PXDNL: variants seen among roughly 807,000 people sequenced by gnomAD.
The protein encoded by PXDNL is probable oxidoreductase PXDNL.
Under a neutral mutation model 150.8 loss-of-function variants are expected in PXDNL, and 145 were observed. That is an observed-to-expected ratio of 0.96 (90% CI 0.84 to 1.10). The LOEUF is 1.10. Among genes scored for constraint, PXDNL ranks in the 50% least tolerant of loss-of-function variants. The pLI is 0.00. For missense variants in PXDNL, 2,087 were observed against 1,873.9 expected, an observed-to-expected ratio of 1.11 and a Z score of -2.10; for synonymous variants, 757 against 725.7, an observed-to-expected ratio of 1.04 and a Z score of -0.69.
At chr8:51,446,894 CTA>C (rs151149131) in intron 12 of PXDNL, 108 bp downstream of exon 12, 22,697 of 600,138 alleles carry the variant, frequency 0.038, no homozygotes, top group South Asian at 0.062. Flanking sequence ...GATCATATGA[CTA>C]TATATATATA....
chr8:51,648,366 A>C (rs918338277), intron 2 of PXDNL, among the ~76,000 whole-genome samples: 1 of 152,228 alleles, frequency 6.6e-6, no homozygotes, highest in Admixed American at 6.5e-5. Context: ...CCTGTAAAAG[A>C]GAGACTCTAC....
chr8:51,352,444 C>T (rs377055671), intron 19 of PXDNL, among the ~76,000 whole-genome samples: 11 of 152,128 alleles, frequency 7.2e-5, no homozygotes, highest in African/African-American at 2.7e-4. Context: ...GTAAGCCCCA[C>T]ATGTCCAGGG....
At chr8:51,596,957 G>A (rs1206896059) in intron 2 of PXDNL, among the ~76,000 whole-genome samples, 1 of 152,070 alleles carries the variant, frequency 6.6e-6, no homozygotes, top group African/African-American at 2.4e-5. Context: ...TGCTTTTGAG[G>A]ACGTAGTCAA....
chr8:51,455,115 C>CAAAAAAAAAAAAAAAAAA (rs536468204), intron 9 of PXDNL, among the ~76,000 whole-genome samples: 1,098 of 15,788 alleles, frequency 0.07, 409 homozygotes, highest in Non-Finnish European at 0.097. Flanking sequence ...GACTCCGTCT[C>CAAAAAAAAAAAAAAAAAA]AAAAAAAAAA....
chr8:51,345,489 C>T (rs907864107), intron 20 of PXDNL, among the ~76,000 whole-genome samples: 1 of 152,168 alleles, frequency 6.6e-6, no homozygotes, highest in Non-Finnish European at 1.5e-5. Context: ...GATACTATTA[C>T]CTTTCTCGCA....
intron 1 of PXDNL, among the ~76,000 whole-genome samples, chr8:51,706,488 T>C (rs1816380736): frequency 6.6e-6 from 1 of 152,170 alleles, no homozygotes; most frequent in African/African-American, 2.4e-5. Context: ...GCTTCCACAG[T>C]AGATTTTGTG....
At chr8:51,399,712 A>T (rs1216489951) in intron 17 of PXDNL, among the ~76,000 whole-genome samples, 7 of 152,242 alleles carry the variant, frequency 4.6e-5, no homozygotes, top group Admixed American at 4.6e-4. Flanking sequence ...AAATGTGTGC[A>T]TTGTACCACA....
At chr8:51,470,923 G>A (rs1236135342) in intron 8 of PXDNL, among the ~76,000 whole-genome samples, 16 of 151,922 alleles carry the variant, frequency 1.1e-4, no homozygotes, top group Admixed American at 8.5e-4. Flanking sequence ...ACATAGGCAC[G>A]GGCAAAGGCT....
intron 8 of PXDNL, among the ~76,000 whole-genome samples, chr8:51,464,678 T>A (rs1272128022): frequency 6.6e-6 from 1 of 151,918 alleles, no homozygotes; most frequent in Non-Finnish European, 1.5e-5. Flanking sequence ...TTCTGATACA[T>A]GGGCACAGGG....
chr8:51,781,248 C>G (rs927728611), intron 1 of PXDNL, among the ~76,000 whole-genome samples: 1 of 152,094 alleles, frequency 6.6e-6, no homozygotes, highest in African/African-American at 2.4e-5. Flanking sequence ...AGTGAAAAAG[C>G]GGAGAGGAAG....
intron 1 of PXDNL, among the ~76,000 whole-genome samples, chr8:51,789,197 T>A (rs76453952): frequency 9.4e-6 from 1 of 106,532 alleles, no homozygotes. Context: ...ATTGTACCCA[T>A]TTTTTTTTTT....
At chr8:51,635,708 T>C (rs1447065437) in intron 2 of PXDNL, among the ~76,000 whole-genome samples, 2 of 151,944 alleles carry the variant, frequency 1.3e-5, no homozygotes, top group Non-Finnish European at 2.9e-5. Context: ...ATTGAATCAA[T>C]AATCAAAAAC....
chr8:51,570,773 G>T (rs1188654401), intron 3 of PXDNL, among the ~76,000 whole-genome samples: 1 of 151,848 alleles, frequency 6.6e-6, no homozygotes, highest in Non-Finnish European at 1.5e-5. Flanking sequence ...AAGGGTCAAA[G>T]AAGTAGATAT....
At chr8:51,528,362 G>T (rs1811811174) in intron 4 of PXDNL, among the ~76,000 whole-genome samples, 1 of 150,246 alleles carries the variant, frequency 6.7e-6, no homozygotes, top group African/African-American at 2.5e-5. Context: ...CCCAATATAT[G>T]TTTAAAATGT....
intron 1 of PXDNL, among the ~76,000 whole-genome samples, chr8:51,804,642 G>T (rs371745936): frequency 6.6e-6 from 1 of 151,944 alleles, no homozygotes; most frequent in South Asian, 2.1e-4. Flanking sequence ...CTCAGGTTGC[G>T]GCTACTCCCC....
chr8:51,506,826 G>A (rs1477605894), intron 4 of PXDNL, among the ~76,000 whole-genome samples: 1 of 152,092 alleles, frequency 6.6e-6, no homozygotes, highest in Non-Finnish European at 1.5e-5. Flanking sequence ...TCTTTAGCAG[G>A]AATTCAAGGC....
At chr8:51,359,240 A>G (rs2915482) in intron 19 of PXDNL, among the ~76,000 whole-genome samples, 111,467 of 152,046 alleles carry the variant, frequency 0.73, 41,420 homozygotes, top group East Asian at 0.94. Flanking sequence ...CCCAAGAGAC[A>G]GAGATGACAA....
chr8:51,343,459 T>G lies in PXDNL; in HGVS notation c.4016+2374A>C, dbSNP rs546766209. 3.1e-3 allele frequency among the ~76,000 whole-genome samples: 476 copies of G among 152,332 alleles called. 1 individual carries two copies. Among genetic ancestry groups the G allele is most frequent in the African/African-American group, 0.011 (465 of 41,570 alleles). ...AAACTGAACTCATAATTGTAAAGTG[T>G]ATGTTTGAGTAAAAGTTTGATAAGA... is the stretch of plus-strand genomic sequence containing the variant. On this transcript the variant is annotated intron_variant, in intron 20 of 22. Coordinates refer to ENST00000356297, the MANE Select transcript of PXDNL (RefSeq NM_144651.5).
intron 1 of PXDNL, among the ~76,000 whole-genome samples, chr8:51,703,797 T>A (rs567922421): frequency 6.6e-6 from 1 of 152,368 alleles, no homozygotes; most frequent in East Asian, 1.9e-4. Flanking sequence ...TGATTAAAAA[T>A]CCTTTTGTAA....
Sources: gnomAD v4.1 joint callset for allele counts (sites outside exome capture counted in the v4.1 genomes callset) on GRCh38, gnomAD v4.1.1 for gene constraint, MANE v1.5 for transcripts, NCBI Gene and HGNC (gene_info 2026-07-23, HGNC 2026-07-21) for gene names.